The following ABLIM3 variants were observed in gnomAD, a reference collection of about 807,000 sequenced individuals.
ABLIM3 encodes the protein actin binding LIM protein family member 3, also known as actin-binding LIM protein 3.
ABLIM3 carries 61 observed loss-of-function variants against 109.5 expected under a neutral mutation model. The ratio of observed to expected loss-of-function variants is 0.56; its 90% CI spans 0.45 to 0.69. ABLIM3 has a LOEUF of 0.69. Ranked by LOEUF, ABLIM3 falls within the 30% of genes least tolerant of loss-of-function variation. The pLI, the probability that ABLIM3 is intolerant of heterozygous loss-of-function variation, is 0.00. For synonymous variants in ABLIM3, 300 were observed against 324.8 expected (o/e 0.92, Z 0.82); for missense variants, 796 against 889.5 (o/e 0.89, Z 1.34).
At chr5:149,222,661 CTTTTTTTTTTT>C (rs552243427) in intron 8 of ABLIM3, among the ~76,000 whole-genome samples, 5 of 124,402 alleles carry the variant, frequency 4.0e-5, no homozygotes, top group Non-Finnish European at 3.3e-5. Context: ...TTTCAGATTA[CTTTTTTTTTTT>C]TTTTTTTTTT....
chr5:149,161,305 G>A (rs958302966), intron 2 of ABLIM3, among the ~76,000 whole-genome samples: 16 of 152,220 alleles, frequency 1.1e-4, no homozygotes, highest in Non-Finnish European at 2.1e-4. Context: ...CACACTTAGA[G>A]AATGATCCGG....
intron 21 of ABLIM3, 83 bp downstream of exon 21, chr5:149,251,502 G>A: frequency 4.0e-6 from 6 of 1,485,204 alleles, no homozygotes; most frequent in Non-Finnish European, 4.6e-6. Context: ...TTCGGCAAAT[G>A]ATGGCTACAG....
At chr5:149,183,739 A>C (rs1325720372) in intron 3 of ABLIM3, 150 bp downstream of exon 3, 8 of 966,456 alleles carry the variant, frequency 8.3e-6, no homozygotes, top group Admixed American at 4.2e-5. Context: ...TTCTTATGAG[A>C]TTCTCCCTTA....
In ABLIM3 at chr5:149,200,009, T is replaced by C. The variant is rs548476080; in HGVS notation, c.336-307T>C. On this transcript the variant is annotated intron_variant, in intron 4 of 23. Coordinates refer to ENST00000309868, the MANE Select transcript of ABLIM3 (RefSeq NM_014945.5). ...ATCAAATTGGGATGGAAAAAGTCCT[T>C]CCAGAAGAGAGAACAAGTATCTGAG... Among the ~76,000 whole-genome samples, 4 of 152,298 alleles carry C rather than the reference T, an allele frequency of 2.6e-5. No individual in the cohort carries two copies. The South Asian group carries it at 8.3e-4, about 32-fold the overall frequency.
chr5:149,156,855 A>G (rs1753899987), intron 2 of ABLIM3, among the ~76,000 whole-genome samples: 1 of 152,230 alleles, frequency 6.6e-6, no homozygotes, highest in Admixed American at 6.5e-5. Context: ...CTGTGTACCA[A>G]TCGAAATGTA....
intron 2 of ABLIM3, among the ~76,000 whole-genome samples, chr5:149,143,825 C>G (rs1264424221): frequency 6.6e-6 from 1 of 152,070 alleles, no homozygotes; most frequent in Non-Finnish European, 1.5e-5. Flanking sequence ...TGCATGTTTT[C>G]AGGCAAATAA....
At chr5:149,258,199 C>T in intron 23 of ABLIM3, 92 bp from the exon 24 acceptor site, 1 of 1,116,658 alleles carries the variant, frequency 9.0e-7, no homozygotes, top group East Asian at 2.5e-5. Flanking sequence ...ACATGCAGCA[C>T]CCACTGCTGC....
chr5:149,180,592 G>C (rs1756371487), intron 2 of ABLIM3, among the ~76,000 whole-genome samples: 1 of 151,690 alleles, frequency 6.6e-6, no homozygotes, highest in African/African-American at 2.4e-5. Context: ...TATAATCACA[G>C]CTTACATCAG....
intron 11 of ABLIM3, among the ~76,000 whole-genome samples, chr5:149,238,039 A>C (rs1433398476): frequency 6.6e-6 from 1 of 152,166 alleles, no homozygotes; most frequent in Non-Finnish European, 1.5e-5. Context: ...TTAGATTTAT[A>C]ATCCCTGATT....
chr5:149,249,722 G>A (rs1753747013), intron 18 of ABLIM3, 93 bp from the exon 19 acceptor site: 2 of 1,492,776 alleles, frequency 1.3e-6, no homozygotes, highest in South Asian at 1.1e-5. Flanking sequence ...GGGGGATCGG[G>A]TATGGAAGCC....
intron 3 of ABLIM3, among the ~76,000 whole-genome samples, chr5:149,196,179 C>A (rs957860799): frequency 1.3e-5 from 2 of 152,154 alleles, no homozygotes; most frequent in African/African-American, 4.8e-5. Flanking sequence ...TCTGAAGCTG[C>A]CTTCTCCTCA....
In ABLIM3 at chr5:149,216,961, A is replaced by G. The variant is rs550841072; in HGVS notation, c.672A>G (p.Ala224=). 3.7e-6 allele frequency: 6 copies of G among 1,614,056 alleles called. No homozygotes were observed. The African/African-American group carries it at 8.0e-5, about 22-fold the overall frequency. Residue 224 remains alanine (A), a splice_region_variant and synonymous_variant, in exon 8 of 24, where the codon GCA becomes GCG. Transcript: ENST00000309868. The part of the protein sequence containing the change: ...DRYISGRVLE[A]GGKHYHPTCA... ...GTTTCATCTTTTCATTTCCATAGGC[A>G]GGAGGGAAGCACTACCACCCAACCT... is the stretch of plus-strand genomic sequence containing the variant.
chr5:149,162,295 T>C (rs1016638781), intron 2 of ABLIM3, among the ~76,000 whole-genome samples: 2 of 152,184 alleles, frequency 1.3e-5, no homozygotes, highest in South Asian at 4.1e-4. Flanking sequence ...CACAGCTTTA[T>C]TGGGGTTATA....
intron 3 of ABLIM3, among the ~76,000 whole-genome samples, chr5:149,187,826 T>C (rs1581082243): frequency 6.6e-6 from 1 of 152,160 alleles, no homozygotes; most frequent in South Asian, 2.1e-4. Context: ...CACCCCGTCA[T>C]TCTCTTTAAA....
At chr5:149,201,083 C>T (rs909117709) in intron 5 of ABLIM3, among the ~76,000 whole-genome samples, 1 of 152,154 alleles carries the variant, frequency 6.6e-6, no homozygotes, top group Admixed American at 6.5e-5. Context: ...TGTTTTATCA[C>T]CAACCACAGA....
At chr5:149,179,495 G>A (rs538464573) in intron 2 of ABLIM3, among the ~76,000 whole-genome samples, 1 of 152,088 alleles carries the variant, frequency 6.6e-6, no homozygotes. Context: ...ATTCAGGATG[G>A]GTGAATGTGT....
rs1754718803 is a variant in ABLIM3, at chr5:149,259,418, A to G, written c.*1014A>G. On this transcript the variant is annotated 3_prime_UTR_variant, in exon 24 of 24. Coordinates refer to ENST00000309868, the MANE Select transcript of ABLIM3 (RefSeq NM_014945.5). Reference sequence around the variant, plus strand: ...ACAGACAACTCTCATCATCCTCCAGAGAGAAAATAGGCCGTGTCTCAAAGA... The same window carrying G: ...ACAGACAACTCTCATCATCCTCCAGGGAGAAAATAGGCCGTGTCTCAAAGA... 1 of 1,507,604 alleles carries G rather than the reference A, an allele frequency of 6.6e-7. No individual in the cohort carries two copies. The highest frequency in any genetic ancestry group is 1.3e-5 in the South Asian group (1 of 79,818). The allele number at this position is 1,507,604 out of a possible 1,614,324, so 93.4% of individuals were successfully genotyped here. A position where few individuals can be genotyped will look rare whatever the true frequency, so the allele number is the denominator to read the frequency against.
intron 5 of ABLIM3, 43 bp from the exon 6 acceptor site, chr5:149,206,965 G>A: frequency 6.3e-7 from 1 of 1,591,078 alleles, no homozygotes; most frequent in Non-Finnish European, 8.6e-7. Context: ...GGGGGTTAAA[G>A]GGCCCAGGGT....
At chr5:149,219,558 G>T (rs1043194527) in intron 8 of ABLIM3, 3 of 152,246 alleles carry the variant, frequency 2.0e-5, no homozygotes, top group African/African-American at 7.2e-5. Context: ...GGCAGAGCAG[G>T]GCCTGGCCTT....
Sources: allele counts gnomAD v4.1 joint callset (sites outside exome capture counted in the v4.1 genomes callset), GRCh38; gene constraint gnomAD v4.1.1; transcripts MANE v1.5; gene names NCBI Gene and HGNC (gene_info 2026-07-23, HGNC 2026-07-21).